Variants in GPC3 observed in about 807,000 individuals in gnomAD.
GPC3 encodes the protein glypican-3.
GPC3 carries 3 observed loss-of-function variants against 34.4 expected under a neutral mutation model. That is an observed-to-expected ratio of 0.09 (90% CI 0.04 to 0.23). The LOEUF is 0.23. Ranked by LOEUF, GPC3 falls within the 10% of genes least tolerant of loss-of-function variation. GPC3 has a pLI of 1.00. For missense variants in GPC3, 351 were observed against 445.6 expected, an observed-to-expected ratio of 0.79 and a Z score of 1.91; for synonymous variants, 177 against 174.0, an observed-to-expected ratio of 1.02 and a Z score of -0.13.
chrX:133,797,240 T>C lies in GPC3; in HGVS notation c.338-43064A>G, dbSNP rs907262253. ...AATCAGATTGTACTGACTGGGGACA[T>C]GTCTATCTCCCCACCTAGACTTTGA... On this transcript the variant is annotated intron_variant, in intron 2 of 7. Coordinates refer to ENST00000370818, the MANE Select transcript of GPC3 (RefSeq NM_004484.4). Among the ~76,000 whole-genome samples the C allele has an allele frequency of 4.5e-5, 5 of 110,967 alleles. No individual in the cohort carries two copies. The Admixed American group carries it at 4.8e-4, about 11-fold the overall frequency.
At chrX:133,734,596 G>A in intron 3 of GPC3, among the ~76,000 whole-genome samples, 3 of 106,786 alleles carry the variant, frequency 2.8e-5, no homozygotes, top group African/African-American at 1.0e-4. Context: ...AAGGAAGGAA[G>A]AAGGGAAGGA....
At chrX:133,836,548 C>G (rs1022193263) in intron 2 of GPC3, among the ~76,000 whole-genome samples, 1 of 111,760 alleles carries the variant, frequency 8.9e-6, no homozygotes, top group Non-Finnish European at 1.9e-5. Flanking sequence ...CTACATAAAG[C>G]TTCAATCAAG....
intron 1 of GPC3, among the ~76,000 whole-genome samples, chrX:133,961,717 GA>G (rs776635698): frequency 9.0e-6 from 1 of 111,622 alleles, no homozygotes; most frequent in Non-Finnish European, 1.9e-5. Context: ...AAATTAACTA[GA>G]AACCTTTCAC....
At chrX:133,774,258 C>T (rs1359054712) in intron 2 of GPC3, among the ~76,000 whole-genome samples, 2 of 111,404 alleles carry the variant, frequency 1.8e-5, no homozygotes, top group Non-Finnish European at 3.8e-5. Context: ...TTTAAAATGC[C>T]CAGGATTTGG....
At chrX:133,856,471 A>C (rs1034446) in intron 2 of GPC3, among the ~76,000 whole-genome samples, 31,057 of 109,846 alleles carry the variant, frequency 0.28, 3,771 homozygotes, top group African/African-American at 0.44. Context: ...AACATTAAGC[A>C]TCTAGATGTA....
intron 3 of GPC3, among the ~76,000 whole-genome samples, chrX:133,730,773 C>A (rs2071454962): frequency 9.1e-6 from 1 of 110,479 alleles, no homozygotes; most frequent in Non-Finnish European, 1.9e-5. Flanking sequence ...TAAAAATAAG[C>A]CTTAGAAGCA....
intron 3 of GPC3, among the ~76,000 whole-genome samples, chrX:133,711,239 G>A (rs1434319261): frequency 1.8e-5 from 2 of 112,109 alleles, no homozygotes; most frequent in African/African-American, 6.5e-5. Context: ...TCTTAGAGCA[G>A]TGCTTCTCAA....
chrX:133,607,301 A>C lies in GPC3; in HGVS notation c.1414-10702T>G, dbSNP rs765080647. The stretch of plus-strand genomic sequence containing the variant: ...TTTTGAACTCCAGTATTAATCTGGA[A>C]AGGGCATAGCTCTGGGACTAGCACA... On this transcript the variant is annotated intron_variant, in intron 6 of 7. Coordinates refer to ENST00000370818, the MANE Select transcript of GPC3 (RefSeq NM_004484.4). 4.2e-4 allele frequency among the ~76,000 whole-genome samples: 47 copies of C among 111,713 alleles called. No homozygotes were observed. In the Middle Eastern group the frequency reaches 0.014, roughly 33 times the overall value.
At chrX:133,760,356 T>C (rs2071774945) in intron 2 of GPC3, among the ~76,000 whole-genome samples, 1 of 112,341 alleles carries the variant, frequency 8.9e-6, no homozygotes, top group South Asian at 3.7e-4. Context: ...GTTTTATTTA[T>C]AATCACCAAA....
At chrX:133,779,727 G>GA (rs2072026389) in intron 2 of GPC3, among the ~76,000 whole-genome samples, 1 of 108,286 alleles carries the variant, frequency 9.2e-6, no homozygotes, top group Admixed American at 9.8e-5. Context: ...TAGGAGTTTG[G>GA]AAAATCACTG....
At chrX:133,564,443 T>C (rs766134007) in intron 7 of GPC3, among the ~76,000 whole-genome samples, 1 of 111,148 alleles carries the variant, frequency 9.0e-6, no homozygotes, top group Non-Finnish European at 1.9e-5. Flanking sequence ...TAAACGACAA[T>C]GGGTGGTCAT....
intron 3 of GPC3, among the ~76,000 whole-genome samples, chrX:133,714,822 G>A (rs370824995): frequency 1.3e-4 from 14 of 111,628 alleles, no homozygotes; most frequent in East Asian, 2.8e-4. Flanking sequence ...AACAGTGAGC[G>A]TTGTGGCATT....
chrX:133,566,774 C>T (rs985328740), intron 7 of GPC3, among the ~76,000 whole-genome samples: 4 of 111,564 alleles, frequency 3.6e-5, no homozygotes, highest in African/African-American at 1.3e-4. Context: ...TCCTACTTTT[C>T]ATCACCAGAT....
At chrX:133,587,776 T>G (rs2069804472) in intron 7 of GPC3, among the ~76,000 whole-genome samples, 1 of 112,108 alleles carries the variant, frequency 8.9e-6, no homozygotes, top group Non-Finnish European at 1.9e-5. Flanking sequence ...ATCCATTATC[T>G]CATGTGTTTC....
At chrX:133,914,238 G>A (rs966472302) in intron 2 of GPC3, among the ~76,000 whole-genome samples, 8 of 111,148 alleles carry the variant, frequency 7.2e-5, no homozygotes, top group Admixed American at 1.9e-4. Context: ...TCCTAAATAA[G>A]AGAAATAATA....
chrX:133,606,352 C>G (rs1241542252), intron 6 of GPC3, among the ~76,000 whole-genome samples: 1 of 112,422 alleles, frequency 8.9e-6, no homozygotes, highest in Non-Finnish European at 1.9e-5. Context: ...GGTTCATACT[C>G]TGGAGTCAGA....
chrX:133,553,795 C>G (rs772955453), intron 7 of GPC3, among the ~76,000 whole-genome samples: 1 of 111,858 alleles, frequency 8.9e-6, no homozygotes, highest in East Asian at 2.8e-4. Flanking sequence ...TCATAAAATT[C>G]ACCCATTTCA....
chrX:133,599,995 C>G (rs1380500610), intron 6 of GPC3, among the ~76,000 whole-genome samples: 3 of 111,601 alleles, frequency 2.7e-5, no homozygotes, highest in Non-Finnish European at 5.6e-5. Flanking sequence ...CTCCCTCTCC[C>G]TCTTCTACCA....
intron 2 of GPC3, among the ~76,000 whole-genome samples, chrX:133,852,357 T>A (rs1197841087): frequency 9.0e-6 from 1 of 111,652 alleles, no homozygotes; most frequent in Non-Finnish European, 1.9e-5. Context: ...TGGGAATAAT[T>A]AGAAAATCTT....
Sources: allele counts gnomAD v4.1 joint callset (sites outside exome capture counted in the v4.1 genomes callset), GRCh38; gene constraint gnomAD v4.1.1; transcripts MANE v1.5; gene names NCBI Gene and HGNC (gene_info 2026-07-23, HGNC 2026-07-21).